OTUD7A: variants seen among roughly 807,000 people sequenced by gnomAD.
OTUD7A encodes the protein OTU domain-containing protein 7A.
OTUD7A carries 12 observed loss-of-function variants against 65.7 expected under a neutral mutation model. The ratio of observed to expected loss-of-function variants is 0.18; its 90% CI spans 0.12 to 0.30. OTUD7A has a LOEUF of 0.30. OTUD7A is among the 10% of genes least tolerant of loss of function. The pLI is 1.00. For synonymous variants in OTUD7A, 641 were observed against 586.3 expected (o/e 1.09, Z -1.35); for missense variants, 1,148 against 1,304.8 (o/e 0.88, Z 1.85).
chr15:31,764,561 A>G (rs1476742611), intron 1 of OTUD7A, among the ~76,000 whole-genome samples: 1 of 152,164 alleles, frequency 6.6e-6, no homozygotes, highest in Non-Finnish European at 1.5e-5. Flanking sequence ...TTTTAAGATG[A>G]GAGTCATTTA....
intron 1 of OTUD7A, among the ~76,000 whole-genome samples, chr15:31,822,987 C>CA (rs1338158151): frequency 6.6e-6 from 1 of 151,750 alleles, no homozygotes; most frequent in Non-Finnish European, 1.5e-5. Context: ...TAAAATGGGG[C>CA]AAAAAAAATT....
At chr15:31,851,723 T>C (rs955285939) in intron 1 of OTUD7A, among the ~76,000 whole-genome samples, 1 of 152,264 alleles carries the variant, frequency 6.6e-6, no homozygotes, top group Non-Finnish European at 1.5e-5. Context: ...CTGGCTTCTC[T>C]AAAGCCAGAG....
chr15:31,714,956 T>C (rs1402865017), intron 1 of OTUD7A, among the ~76,000 whole-genome samples: 1 of 151,708 alleles, frequency 6.6e-6, no homozygotes, highest in Non-Finnish European at 1.5e-5. Context: ...GCCAACATGG[T>C]GAAACCCCGT....
chr15:31,769,458 T>C (rs557845429), intron 1 of OTUD7A, among the ~76,000 whole-genome samples: 2 of 152,346 alleles, frequency 1.3e-5, no homozygotes, highest in South Asian at 2.1e-4. Flanking sequence ...ATCTCATTCA[T>C]AGATACTTAT....
At chr15:31,673,551 T>C (rs1292095240) in intron 1 of OTUD7A, among the ~76,000 whole-genome samples, 3 of 152,236 alleles carry the variant, frequency 2.0e-5, no homozygotes, top group Admixed American at 1.3e-4. Flanking sequence ...AAGGCCGCTT[T>C]GCTTTGAAAG....
At chr15:31,674,019 A>T (rs1265504315) in intron 1 of OTUD7A, among the ~76,000 whole-genome samples, 2 of 152,236 alleles carry the variant, frequency 1.3e-5, no homozygotes, top group Non-Finnish European at 2.9e-5. Flanking sequence ...CTCCATTCTG[A>T]TGGGCAGACA....
chr15:31,798,366 G>A (rs1896029561), intron 1 of OTUD7A, among the ~76,000 whole-genome samples: 1 of 152,166 alleles, frequency 6.6e-6, no homozygotes, highest in African/African-American at 2.4e-5. Context: ...TCAAGTGTTT[G>A]TGGTGTGCTC....
chr15:31,713,041 T>C (rs11071296), intron 1 of OTUD7A, among the ~76,000 whole-genome samples: 98,871 of 151,632 alleles, frequency 0.65, 32,939 homozygotes, highest in South Asian at 0.79. Context: ...ACTGACATTC[T>C]GTTGCATGTG....
At chr15:31,781,977 A>C (rs1895552821) in intron 1 of OTUD7A, among the ~76,000 whole-genome samples, 3 of 152,248 alleles carry the variant, frequency 2.0e-5, no homozygotes, top group Admixed American at 1.3e-4. Context: ...TGAGAATTGA[A>C]CACAGTTATA....
At chr15:31,806,547 G>A (rs542785204) in intron 1 of OTUD7A, among the ~76,000 whole-genome samples, 5 of 152,234 alleles carry the variant, frequency 3.3e-5, no homozygotes, top group South Asian at 4.1e-4. Flanking sequence ...CAGACCCCTC[G>A]TGGAGGGTCT....
Position 31,484,760 on chromosome 15 carries a change from AGAG to A in OTUD7A, c.1372-39_1372-37del. The stretch of plus-strand genomic sequence containing the variant: ...AGGGAGGGCCGGATCGAAGGTGGTT[AGAG>A]AAGAGCTGTCCACGCGCCAGCGAGG... On this transcript the variant is annotated intron_variant, in intron 12 of 12. Transcript: ENST00000307050. This position sits in a 1 kb window ranked among gnomAD's most constrained non-coding sequence, Gnocchi z 4.5. 6.3e-7 allele frequency: 1 copy of A among 1,582,002 alleles called. No individual in the cohort carries two copies. The highest frequency in any genetic ancestry group is 8.5e-7 in the Non-Finnish European group (1 of 1,170,854).
intron 1 of OTUD7A, among the ~76,000 whole-genome samples, chr15:31,667,242 T>A (rs1442243117): frequency 6.6e-6 from 1 of 152,166 alleles, no homozygotes; most frequent in East Asian, 1.9e-4. Flanking sequence ...TCCCCCATAT[T>A]ATTGTGTTGC....
chr15:31,603,287 C>T (rs905841168), intron 3 of OTUD7A, among the ~76,000 whole-genome samples: 1 of 152,136 alleles, frequency 6.6e-6, no homozygotes, highest in African/African-American at 2.4e-5. Flanking sequence ...GAAGTTAACA[C>T]CACACTTCTA....
At chr15:31,802,137 G>GTATATATATATATA (rs1411006294) in intron 1 of OTUD7A, among the ~76,000 whole-genome samples, 1 of 131,754 alleles carries the variant, frequency 7.6e-6, no homozygotes, top group African/African-American at 2.8e-5. Flanking sequence ...GTGTGTGTGT[G>GTATATATATATATA]TGTGTATATA....
intron 2 of OTUD7A, among the ~76,000 whole-genome samples, chr15:31,656,218 T>C (rs1891987596): frequency 6.6e-6 from 1 of 152,218 alleles, no homozygotes; most frequent in South Asian, 2.1e-4. Context: ...GAAAAGCAAC[T>C]GTGACATTAC....
intron 1 of OTUD7A, among the ~76,000 whole-genome samples, chr15:31,825,883 A>C (rs964752376): frequency 4.6e-5 from 7 of 152,242 alleles, no homozygotes; most frequent in African/African-American, 1.7e-4. Flanking sequence ...GTCAAATCTT[A>C]AAGCTCCAAA....
chr15:31,659,332 T>C (rs1271650528), intron 1 of OTUD7A, among the ~76,000 whole-genome samples: 1 of 152,034 alleles, frequency 6.6e-6, no homozygotes, highest in Non-Finnish European at 1.5e-5. Flanking sequence ...TTAACATCTG[T>C]CTTAACAGAG....
intron 1 of OTUD7A, among the ~76,000 whole-genome samples, chr15:31,666,840 T>C (rs1460742839): frequency 2.0e-5 from 3 of 152,122 alleles, no homozygotes; most frequent in Non-Finnish European, 2.9e-5. Flanking sequence ...ATTATTGTCG[T>C]TGAGTTTGAA....
chr15:31,767,905 C>A, intron 1 of OTUD7A: 1 of 1,499,882 alleles, frequency 6.7e-7, no homozygotes, highest in Non-Finnish European at 9.3e-7. Flanking sequence ...ATCTGAAGAG[C>A]TGGTTGTTAT....
Sources: allele counts gnomAD v4.1 joint callset (sites outside exome capture counted in the v4.1 genomes callset), GRCh38; gene constraint gnomAD v4.1.1; non-coding constraint Gnocchi (gnomAD v3.1); transcripts MANE v1.5; gene names NCBI Gene and HGNC (gene_info 2026-07-23, HGNC 2026-07-21).